Variants in ZNF544 observed in about 807,000 individuals in gnomAD.
ZNF544 encodes zinc finger protein AF020591.
A neutral mutation model predicts 13.5 loss-of-function variants in ZNF544; 10 were observed. The observed-to-expected ratio is 0.74, with a 90% confidence interval of 0.46 to 1.25. The LOEUF (loss-of-function observed/expected upper bound fraction) is 1.25. ZNF544 is among the 50% of genes most tolerant of loss of function. The pLI is 0.00. For missense variants in ZNF544, 896 were observed against 845.6 expected (o/e 1.06, Z -0.74); for synonymous variants, 323 against 300.5 (o/e 1.07, Z -0.77).
At chr19:58,270,304 C>CT (rs202213273) in intron 5 of ZNF544, among the ~76,000 whole-genome samples, 8,098 of 136,132 alleles carry the variant, frequency 0.059, 423 homozygotes, top group Non-Finnish European at 0.066. Context: ...TAGGTATTGG[C>CT]TTTTTTTTTC....
At chr19:58,273,493 C>A (rs56246835) in intron 5 of ZNF544, among the ~76,000 whole-genome samples, 73,687 of 151,692 alleles carry the variant, frequency 0.49, 18,446 homozygotes, top group Middle Eastern at 0.61. Context: ...GATAGAGACC[C>A]GCCTGGCCAA....
chr19:58,275,829 A>AATCACAG (rs6146576), intron 5 of ZNF544, among the ~76,000 whole-genome samples: 44,037 of 142,508 alleles, frequency 0.31, 7,888 homozygotes, highest in East Asian at 0.52. Flanking sequence ...AGGACATCAA[A>AATCACAG]ATCACAGATT....
chr19:58,237,963 T>TA (rs1491240435), intron 3 of ZNF544, among the ~76,000 whole-genome samples: 6 of 151,270 alleles, frequency 4.0e-5, no homozygotes, highest in African/African-American at 1.2e-4. Context: ...TTTTAAAACT[T>TA]CTCTTGTTGC....
downstream of ZNF544, chr19:58,267,676 T>TAAAAAA (rs56839702): frequency 9.2e-6 from 1 of 108,960 alleles, no homozygotes; most frequent in African/African-American, 4.1e-5. Flanking sequence ...AGACTCCATC[T>TAAAAAA]AAAAAAAAAA....
intron 3 of ZNF544, among the ~76,000 whole-genome samples, chr19:58,237,648 A>C (rs1174149382): frequency 6.6e-6 from 1 of 152,112 alleles, no homozygotes; most frequent in Non-Finnish European, 1.5e-5. Flanking sequence ...CCACTCATCC[A>C]TGGAGACTTC....
intron 5 of ZNF544, among the ~76,000 whole-genome samples, chr19:58,274,384 C>T (rs1326661546): frequency 6.6e-6 from 1 of 152,228 alleles, no homozygotes; most frequent in African/African-American, 2.4e-5. Flanking sequence ...AGACAGACAA[C>T]TTGTCACGCA....
intron 6 of ZNF544, among the ~76,000 whole-genome samples, chr19:58,247,081 G>GTATT (rs1162455157): frequency 3.4e-4 from 52 of 151,674 alleles, no homozygotes; most frequent in African/African-American, 9.4e-4. Flanking sequence ...TTTAATTAAT[G>GTATT]TATGTATTTA....
downstream of ZNF544, among the ~76,000 whole-genome samples, chr19:58,264,694 AAAAC>A (rs199848913): frequency 7.5e-3 from 1,131 of 151,636 alleles, 43 homozygotes; most frequent in Admixed American, 0.055. Flanking sequence ...GTGTCTCAAA[AAAAC>A]AAACAAACAA....
At chr19:58,245,248 C>T (rs934988799) in intron 4 of ZNF544, among the ~76,000 whole-genome samples, 2 of 150,484 alleles carry the variant, frequency 1.3e-5, no homozygotes, top group African/African-American at 4.9e-5. Flanking sequence ...CCCCCTGTCA[C>T]CTTCTTGAAC....
intron 1 of ZNF544, 183 bp from the exon 2 acceptor site, chr19:58,229,285 C>G (rs929654260): frequency 2.4e-3 from 32 of 13,580 alleles, no homozygotes; most frequent in African/African-American, 7.1e-3. Flanking sequence ...CTGGGTGGGA[C>G]TGGGTGGGAC....
At chr19:58,266,212 C>CCAAA (rs1555771116), downstream of ZNF544, among the ~76,000 whole-genome samples, 3 of 46,208 alleles carry the variant, frequency 6.5e-5, no homozygotes, top group Admixed American at 3.4e-4. Context: ...GACTCTGTCT[C>CCAAA]AAAAAAAAAA....
intron 3 of ZNF544, among the ~76,000 whole-genome samples, chr19:58,239,315 T>C (rs763293752): frequency 1.3e-5 from 2 of 152,172 alleles, no homozygotes; most frequent in African/African-American, 2.4e-5. Context: ...TTGCAGCCAG[T>C]AGCTGTCCCC....
intron 6 of ZNF544, chr19:58,259,102 C>G (rs1190162044): frequency 6.6e-6 from 1 of 152,220 alleles, no homozygotes; most frequent in African/African-American, 2.4e-5. Context: ...CTCCGGGCTA[C>G]AGCAAGGAAA....
intron 3 of ZNF544, among the ~76,000 whole-genome samples, chr19:58,233,918 T>C (rs572145970): frequency 3.3e-5 from 5 of 152,328 alleles, no homozygotes; most frequent in South Asian, 2.1e-4. Flanking sequence ...GGAAAAGATA[T>C]AAACTTTCCC....
At chr19:58,253,353 C>T (rs563730241) in intron 6 of ZNF544, among the ~76,000 whole-genome samples, 12 of 152,246 alleles carry the variant, frequency 7.9e-5, no homozygotes, top group African/African-American at 2.9e-4. Flanking sequence ...ATCATTTGCT[C>T]ACTGAAAAAA....
At chr19:58,234,478 C>T (rs1388725034) in intron 3 of ZNF544, among the ~76,000 whole-genome samples, 1 of 152,262 alleles carries the variant, frequency 6.6e-6, no homozygotes, top group Non-Finnish European at 1.5e-5. Flanking sequence ...CTGGGTCCCA[C>T]TTACATCCCT....
In ZNF544 at chr19:58,263,306, C is replaced by G; in HGVS notation, c.*552C>G. ...CAAAATCCTGTCTTTACAAAAAATA[C>G]AAAAATTAGCCTAGCATGGTGGCGC... On this transcript the variant is annotated 3_prime_UTR_variant, in exon 7 of 7. Coordinates refer to ENST00000687789, the MANE Select transcript of ZNF544 (RefSeq NM_014480.4). 1.1e-6 allele frequency: 1 copy of G among 874,576 alleles called. No homozygotes were observed. Among genetic ancestry groups the G allele is most frequent in the Non-Finnish European group, 1.4e-6 (1 of 728,520 alleles). The allele number at this position is 874,576 out of a possible 1,614,324, so 54.2% of individuals were successfully genotyped here.
chr19:58,240,998 G>T (rs1319022415), intron 3 of ZNF544, among the ~76,000 whole-genome samples: 1 of 148,456 alleles, frequency 6.7e-6, no homozygotes. Context: ...TTGAGACAGG[G>T]TCTCATTCTG....
intron 6 of ZNF544, chr19:58,276,464 A>ATT: frequency 8.6e-7 from 1 of 1,160,932 alleles, no homozygotes; most frequent in Non-Finnish European, 1.1e-6. Flanking sequence ...TCAGAATTTT[A>ATT]TTTTTATTTT....
Sources: gnomAD v4.1 joint callset for allele counts (sites outside exome capture counted in the v4.1 genomes callset) on GRCh38, gnomAD v4.1.1 for gene constraint, MANE v1.5 for transcripts, NCBI Gene and HGNC (gene_info 2026-07-23, HGNC 2026-07-21) for gene names.